ABAT: variants seen among roughly 807,000 people sequenced by gnomAD.
ABAT encodes 4-aminobutyrate aminotransferase, mitochondrial.
Under a neutral mutation model 64.6 loss-of-function variants are expected in ABAT, and 45 were observed. The observed-to-expected ratio is 0.70, with a 90% CI of 0.55 to 0.89. The LOEUF (loss-of-function observed/expected upper bound fraction) is 0.89. Among genes scored for constraint, ABAT ranks in the 40% least tolerant of loss-of-function variants. The pLI is 0.00. For synonymous variants in ABAT, 297 were observed against 250.5 expected, an observed-to-expected ratio of 1.19 and a Z score of -1.75; for missense variants, 633 against 658.4, an observed-to-expected ratio of 0.96 and a Z score of 0.42.
At chr16:8,751,638 G>A (rs2059487988) in intron 5 of ABAT, among the ~76,000 whole-genome samples, 1 of 152,126 alleles carries the variant, frequency 6.6e-6, no homozygotes, top group Non-Finnish European at 1.5e-5. Flanking sequence ...GCTGCGAGAG[G>A]GGAGAACTCG....
chr16:8,746,823 A>G (rs1394398161), intron 3 of ABAT, among the ~76,000 whole-genome samples: 1 of 152,196 alleles, frequency 6.6e-6, no homozygotes, highest in African/African-American at 2.4e-5. Flanking sequence ...CCACTAGCAT[A>G]GAGCAAGCCA....
chr16:8,742,447 C>A (rs1184886391), intron 2 of ABAT, among the ~76,000 whole-genome samples: 1 of 152,122 alleles, frequency 6.6e-6, no homozygotes, highest in Non-Finnish European at 1.5e-5. Flanking sequence ...TTGCTGGAAA[C>A]AAAGCAAGAT....
intron 6 of ABAT, among the ~76,000 whole-genome samples, chr16:8,763,637 C>G (rs955266956): frequency 2.6e-5 from 4 of 152,182 alleles, no homozygotes; most frequent in Admixed American, 2.6e-4. Flanking sequence ...CTCCTGGCCT[C>G]AAGCAATCCA....
chr16:8,723,861 G>A (rs1395096371), intron 1 of ABAT, among the ~76,000 whole-genome samples: 1 of 77,068 alleles, frequency 1.3e-5, no homozygotes, highest in East Asian at 4.2e-4. Flanking sequence ...TTTTTTTTGA[G>A]ACGGAGTCTT....
At chr16:8,741,818 A>G (rs2059169279) in intron 2 of ABAT, among the ~76,000 whole-genome samples, 1 of 152,218 alleles carries the variant, frequency 6.6e-6, no homozygotes, top group South Asian at 2.1e-4. Flanking sequence ...CTGACTCTTC[A>G]ACTCACTAGC....
At position 8,772,837 on chromosome 16, in the gene ABAT, G is replaced by A. The variant is rs747354047; in HGVS notation, c.874G>A (p.Val292Met). 11 of 1,613,960 alleles carry A rather than the reference G, an allele frequency of 6.8e-6. No homozygotes were observed. The highest frequency in any genetic ancestry group is 5.9e-6 in the Non-Finnish European group (7 of 1,180,026). The change falls in exon 12 of 16, where the codon GTG becomes ATG. Residue 292 changes from valine to methionine, a missense_variant. By Grantham distance (21) the Val-to-Met change is conservative. Coordinates refer to ENST00000268251, the MANE Select transcript of ABAT (RefSeq NM_020686.6). The stretch of plus-strand genomic sequence containing the variant: ...GAAGAAGACGGTGGCCGGGATCATC[G>A]TGGAGCCCATCCAGTCCGAGGGTGG... ...KKKKTVAGIIVEPIQSEGGDN... is the reference protein window; with the variant it reads ...KKKKTVAGIIMEPIQSEGGDN...
chr16:8,731,162 T>A (rs1245298977), intron 1 of ABAT, among the ~76,000 whole-genome samples: 1 of 152,140 alleles, frequency 6.6e-6, no homozygotes. Context: ...AGGGTTTTAC[T>A]GTGTTGGCCA....
At chr16:8,757,195 A>C (rs986883461) in intron 5 of ABAT, 3 of 451,960 alleles carry the variant, frequency 6.6e-6, no homozygotes, top group Non-Finnish European at 1.3e-5. Flanking sequence ...ATTTAAATAG[A>C]GTCTCACTGT....
intron 1 of ABAT, chr16:8,713,609 C>G (rs528040538): frequency 3.3e-6 from 1 of 303,896 alleles, no homozygotes; most frequent in Admixed American, 4.2e-5. Context: ...GCGCACTTGC[C>G]GGGTACCAGC....
chr16:8,726,322 G>A (rs1379820475), intron 1 of ABAT, among the ~76,000 whole-genome samples: 11 of 135,276 alleles, frequency 8.1e-5, no homozygotes, highest in East Asian at 4.3e-4. Flanking sequence ...GTGCAGTGGC[G>A]CCATCTCGGC....
intron 1 of ABAT, chr16:8,713,865 C>T (rs1288455759): frequency 8.8e-6 from 4 of 456,086 alleles, no homozygotes; most frequent in South Asian, 3.1e-5. Context: ...TACCAGGCAC[C>T]GTGAGTGCAA....
intron 2 of ABAT, chr16:8,738,491 G>A: frequency 2.2e-6 from 1 of 455,344 alleles, no homozygotes; most frequent in Non-Finnish European, 4.4e-6. Context: ...ATCTTCCATG[G>A]CCTCCTCTGG....
intron 1 of ABAT, among the ~76,000 whole-genome samples, chr16:8,720,376 G>C (rs573212294): frequency 6.6e-6 from 1 of 152,192 alleles, no homozygotes; most frequent in Non-Finnish European, 1.5e-5. Context: ...ATCATTCTCA[G>C]TCTTTCTTAG....
rs1596472723 is a variant in ABAT at position 8,776,588 on chromosome 16, T to C, written c.1269+98T>C. The stretch of plus-strand genomic sequence containing the variant: ...CTCTTCGGCATGGTGTTGTGCCTGC[T>C]GTTCCAGCAGTTCGTAACGGGCTGT... On this transcript the variant is annotated intron_variant, in intron 14 of 15. Coordinates refer to ENST00000268251, the MANE Select transcript of ABAT (RefSeq NM_020686.6). This position sits in a 1 kb window ranked among gnomAD's most constrained non-coding sequence, Gnocchi z 4.4. The C allele has an allele frequency of 3.2e-5, 42 of 1,313,982 alleles. No homozygotes were observed. The East Asian group carries it at 1.0e-3, about 32-fold the overall frequency. The allele number at this position is 1,313,982 out of a possible 1,614,324, so 81.4% of individuals were successfully genotyped here. A position where few individuals can be genotyped will look rare whatever the true frequency, so the allele number is the denominator to read the frequency against.
At chr16:8,726,012 AAC>A (rs1387043248) in intron 1 of ABAT, among the ~76,000 whole-genome samples, 1 of 151,958 alleles carries the variant, frequency 6.6e-6, no homozygotes, top group Non-Finnish European at 1.5e-5. Flanking sequence ...AGCCTGCCTA[AAC>A]ACAGACCCTT....
At chr16:8,722,962 G>C (rs569535797) in intron 1 of ABAT, 30 of 945,618 alleles carry the variant, frequency 3.2e-5, no homozygotes, top group Admixed American at 1.2e-4. Flanking sequence ...GATCCAGCCA[G>C]GCAAGGTGGC....
At chr16:8,742,893 G>T (rs921159390) in intron 2 of ABAT, among the ~76,000 whole-genome samples, 1 of 144,372 alleles carries the variant, frequency 6.9e-6, no homozygotes, top group South Asian at 2.2e-4. Context: ...AAAAGTAGCC[G>T]GGCGCAGTGT....
At chr16:8,717,167 G>A (rs1224743765) in intron 1 of ABAT, among the ~76,000 whole-genome samples, 1 of 152,236 alleles carries the variant, frequency 6.6e-6, no homozygotes, top group South Asian at 2.1e-4. Flanking sequence ...GCACACACCT[G>A]TCATCCCAGC....
chr16:8,779,512 G>C lies in ABAT; in HGVS notation c.1303G>C (p.Gly435Arg), dbSNP rs761204952. The change falls in exon 15 of 16, where the codon GGA becomes CGA. Residue 435 changes from glycine to arginine, a missense_variant. Coordinates refer to ENST00000268251, the MANE Select transcript of ABAT (RefSeq NM_020686.6). The stretch of plus-strand genomic sequence containing the variant: ...CCCCCAGTTCATCAGCAGGGTGAGA[G>C]GACGAGGCACCTTTTGCTCCTTCGA... Reference protein sequence around the residue: ...RYPQFISRVRGRGTFCSFDTP... With the variant: ...RYPQFISRVRRRGTFCSFDTP... 6.2e-7 allele frequency: 1 copy of C among 1,614,198 alleles called. No individual in the cohort carries two copies.
Sources: gnomAD v4.1 joint callset for allele counts (sites outside exome capture counted in the v4.1 genomes callset) on GRCh38, gnomAD v4.1.1 for gene constraint, Gnocchi (gnomAD v3.1) non-coding constraint, MANE v1.5 for transcripts, NCBI Gene and HGNC (gene_info 2026-07-23, HGNC 2026-07-21) for gene names.